The following CAMKMT variants were observed in gnomAD, a reference collection of about 807,000 sequenced individuals.
CAMKMT encodes calmodulin-lysine N-methyltransferase.
A neutral mutation model predicts 48.0 loss-of-function variants in CAMKMT; 53 were observed. The observed-to-expected ratio is 1.10, with a 90% CI of 0.89 to 1.39. CAMKMT has a LOEUF of 1.39. CAMKMT is among the 40% of genes most tolerant of loss of function. CAMKMT has a pLI of 0.00. For synonymous variants in CAMKMT, 165 were observed against 152.3 expected (o/e 1.08, Z -0.61); for missense variants, 428 against 402.7 (o/e 1.06, Z -0.54).
intron 3 of CAMKMT, among the ~76,000 whole-genome samples, chr2:44,473,183 A>G (rs1384237258): frequency 6.6e-6 from 1 of 152,210 alleles, no homozygotes; most frequent in Non-Finnish European, 1.5e-5. Flanking sequence ...AGAGACATGG[A>G]TTATTATTGG....
At chr2:44,375,974 G>C (rs908594335) in intron 2 of CAMKMT, among the ~76,000 whole-genome samples, 8 of 151,904 alleles carry the variant, frequency 5.3e-5, no homozygotes, top group Non-Finnish European at 1.2e-4. Context: ...ATTTAATAGA[G>C]ACAGGGTTTC....
intron 3 of CAMKMT, among the ~76,000 whole-genome samples, chr2:44,462,478 C>G (rs1262740562): frequency 6.6e-6 from 1 of 151,848 alleles, no homozygotes; most frequent in Non-Finnish European, 1.5e-5. Flanking sequence ...TTTTAATGAC[C>G]TACTCTGTTG....
intron 3 of CAMKMT, among the ~76,000 whole-genome samples, chr2:44,679,541 A>G (rs2104169211): frequency 6.6e-6 from 1 of 152,368 alleles, no homozygotes; most frequent in Middle Eastern, 3.4e-3. Context: ...AAGAAATGCC[A>G]TTAATGTTAT....
chr2:44,703,400 A>T (rs894609169), intron 3 of CAMKMT, among the ~76,000 whole-genome samples: 1 of 152,160 alleles, frequency 6.6e-6, no homozygotes, highest in South Asian at 2.1e-4. Flanking sequence ...AGGTAGAATT[A>T]TTGTTAAATT....
chr2:44,464,846 G>C (rs1345202350), intron 3 of CAMKMT, among the ~76,000 whole-genome samples: 1 of 152,106 alleles, frequency 6.6e-6, no homozygotes, highest in Non-Finnish European at 1.5e-5. Context: ...AATCTTTCAA[G>C]TTGAAACAAA....
chr2:44,668,577 G>C (rs1298130099), intron 3 of CAMKMT, among the ~76,000 whole-genome samples: 1 of 152,086 alleles, frequency 6.6e-6, no homozygotes, highest in African/African-American at 2.4e-5. Flanking sequence ...GTTGTCTATA[G>C]TGTTCTATTG....
At chr2:44,551,994 C>A (rs999010204) in intron 3 of CAMKMT, among the ~76,000 whole-genome samples, 3 of 151,922 alleles carry the variant, frequency 2.0e-5, no homozygotes, top group African/African-American at 7.3e-5. Flanking sequence ...TTTTAGTTTT[C>A]ATTTTTTAAT....
At chr2:44,380,743 G>T (rs1316026632) in intron 2 of CAMKMT, among the ~76,000 whole-genome samples, 2 of 152,120 alleles carry the variant, frequency 1.3e-5, no homozygotes, top group Non-Finnish European at 2.9e-5. Flanking sequence ...TTTAAACCCT[G>T]ATAACTTCAT....
intron 3 of CAMKMT, among the ~76,000 whole-genome samples, chr2:44,421,689 G>T (rs1683945070): frequency 6.6e-6 from 1 of 152,024 alleles, no homozygotes; most frequent in South Asian, 2.1e-4. Flanking sequence ...TCTTTGTTTT[G>T]AAAGCATTCT....
At chr2:44,570,906 G>A (rs1245074655) in intron 3 of CAMKMT, among the ~76,000 whole-genome samples, 2 of 152,156 alleles carry the variant, frequency 1.3e-5, no homozygotes, top group African/African-American at 4.8e-5. Flanking sequence ...TCAAAAGACA[G>A]TCGACTGTAT....
intron 3 of CAMKMT, among the ~76,000 whole-genome samples, chr2:44,501,124 T>C (rs1036295802): frequency 6.6e-6 from 1 of 151,942 alleles, no homozygotes; most frequent in Non-Finnish European, 1.5e-5. Context: ...AATATATATT[T>C]ATATATTCAA....
intron 3 of CAMKMT, among the ~76,000 whole-genome samples, chr2:44,656,718 TA>T (rs1384865112): frequency 1.5e-4 from 23 of 151,956 alleles, no homozygotes; most frequent in Non-Finnish European, 2.5e-4. Context: ...ACCTTTTTTT[TA>T]TTGGTCACTA....
intron 3 of CAMKMT, among the ~76,000 whole-genome samples, chr2:44,576,089 G>C (rs1461864745): frequency 1.3e-5 from 2 of 152,048 alleles, no homozygotes; most frequent in African/African-American, 4.8e-5. Flanking sequence ...CACTTTGGGA[G>C]GCCGAGGTGG....
intron 3 of CAMKMT, among the ~76,000 whole-genome samples, chr2:44,427,789 C>T (rs1684374857): frequency 6.6e-6 from 1 of 152,074 alleles, no homozygotes; most frequent in Non-Finnish European, 1.5e-5. Flanking sequence ...CAAACCAGAC[C>T]ATATATTTTT....
intron 3 of CAMKMT, among the ~76,000 whole-genome samples, chr2:44,441,578 ACTT>A (rs1168418048): frequency 6.6e-6 from 1 of 152,050 alleles, no homozygotes; most frequent in East Asian, 1.9e-4. Context: ...ATCTCTTGAT[ACTT>A]CTTTTTTTTT....
At chr2:44,652,379 C>CCCT (rs2104043454) in intron 3 of CAMKMT, among the ~76,000 whole-genome samples, 1 of 152,286 alleles carries the variant, frequency 6.6e-6, no homozygotes, top group South Asian at 2.1e-4. Flanking sequence ...GGTGGGGCAC[C>CCCT]CCTAGCATGT....
intron 3 of CAMKMT, among the ~76,000 whole-genome samples, chr2:44,638,124 T>C (rs1673242399): frequency 6.6e-6 from 1 of 151,900 alleles, no homozygotes; most frequent in Admixed American, 6.6e-5. Flanking sequence ...TGTTCTTAAA[T>C]TTACATGAAT....
chr2:44,444,117 T>G (rs1488978076), intron 3 of CAMKMT, among the ~76,000 whole-genome samples: 2 of 152,166 alleles, frequency 1.3e-5, no homozygotes, highest in African/African-American at 4.8e-5. Flanking sequence ...TTCTAAACTT[T>G]TCTACACGTG....
chr2:44,426,651 A>G (rs142624576), intron 3 of CAMKMT, among the ~76,000 whole-genome samples: 2 of 152,340 alleles, frequency 1.3e-5, no homozygotes, highest in African/African-American at 2.4e-5. Context: ...AGAACTTAAA[A>G]CACTGCTGAA....
Sources: allele counts gnomAD v4.1 joint callset (sites outside exome capture counted in the v4.1 genomes callset), GRCh38; gene constraint gnomAD v4.1.1; transcripts MANE v1.5; gene names NCBI Gene and HGNC (gene_info 2026-07-23, HGNC 2026-07-21).